The following KLHL13 variants were observed in gnomAD, a reference collection of about 807,000 sequenced individuals.
The protein encoded by KLHL13 is kelch-like protein 13.
KLHL13 carries 10 observed loss-of-function variants against 37.1 expected under a neutral mutation model. The ratio of observed to expected loss-of-function variants is 0.27; its 90% confidence interval spans 0.17 to 0.46. KLHL13 has a LOEUF of 0.46. Among genes scored for constraint, KLHL13 ranks in the 20% least tolerant of loss-of-function variants. KLHL13 has a pLI of 1.00. For missense variants in KLHL13, 360 were observed against 509.3 expected (o/e 0.71, Z 2.82); for synonymous variants, 163 against 181.2 (o/e 0.90, Z 0.81).
chrX:117,948,449 A>C (rs1933428075), intron 1 of KLHL13, among the ~76,000 whole-genome samples: 1 of 112,107 alleles, frequency 8.9e-6, no homozygotes, highest in Admixed American at 9.5e-5. Context: ...TTATAAGAAA[A>C]TTATGCAGCA....
At chrX:117,913,383 GA>G in intron 4 of KLHL13, among the ~76,000 whole-genome samples, 1 of 112,101 alleles carries the variant, frequency 8.9e-6, no homozygotes, top group Non-Finnish European at 1.9e-5. Flanking sequence ...AATACACATT[GA>G]AAATATAAAA....
intron 1 of KLHL13, among the ~76,000 whole-genome samples, chrX:117,997,282 G>A (rs59525123): frequency 0.012 from 1,328 of 109,962 alleles, 20 homozygotes; most frequent in African/African-American, 0.041. Context: ...TAAACAAAAC[G>A]TTTCCCTTTT....
rs747823043 is a variant in KLHL13, at chrX:117,945,543, T to A, written c.131A>T (p.Lys44Ile). Residue 44 changes from lysine to isoleucine, a missense_variant, in exon 2 of 7, where the codon AAA becomes ATA. Physicochemically the swap from Lys to Ile is moderately radical, Grantham distance 102. Coordinates refer to ENST00000262820, the Ensembl canonical transcript of KLHL13. ...CATTTCGCTGCCTCCAAGGGACAAT[T>A]TCATGTGTTGGTCTTCCTCTTCCAC... The A allele has an allele frequency of 9.9e-6, 12 of 1,208,143 alleles. No homozygotes were observed. The Admixed American group carries it at 2.6e-4, about 26-fold the overall frequency.
rs56373597 is a variant in KLHL13, at chrX:117,991,846, ACTCTCTCTCTCTCTCTCTCTCTCT to A, written c.-55-46295_-55-46272del. Among the ~76,000 whole-genome samples, 9 of 63,514 alleles carry A rather than the reference ACTCTCTCTCTCTCTCTCTCTCTCT, an allele frequency of 1.4e-4. No homozygotes were observed. In the East Asian group the frequency reaches 1.5e-3, roughly 11 times the overall value. The allele number at this position is 63,514 out of a possible 115,157, so 55.2% of individuals were successfully genotyped here. Reference sequence around the variant, plus strand: ...TCAAAATATCTTCTCCTACAGTGAAACTCTCTCTCTCTCTCTCTCTCTCTCTCTCTCTCTCTCTCTCTCTCTCTG... The same window carrying A: ...TCAAAATATCTTCTCCTACAGTGAAACTCTCTCTCTCTCTCTCTCTCTCTG... On this transcript the variant is annotated intron_variant, in intron 1 of 6. Transcript: ENST00000371882.
chrX:117,898,913 G>A (rs749268598), exon 7 of KLHL13: 1 of 1,201,270 alleles, frequency 8.3e-7, no homozygotes, highest in Admixed American at 2.2e-5. Flanking sequence ...TGATCTTAAG[G>A]TGCAGAAAGA....
At position 118,113,681 on chromosome X, in the gene KLHL13, C is replaced by T. The variant is rs747200418; in HGVS notation, c.-56+2827G>A. Among the ~76,000 whole-genome samples the T allele has an allele frequency of 5.3e-5, 6 of 112,161 alleles. No homozygotes were observed. In the South Asian group the frequency reaches 1.5e-3, roughly 28 times the overall value. On this transcript the variant is annotated intron_variant, in intron 1 of 6. Coordinates refer to the KLHL13 transcript ENST00000371882. ...TCTCTGAAAGGCCTTTTCTGACTTC[C>T]CACACTAAAGTAGGCCCTTCCTAGC...
intron 1 of KLHL13, among the ~76,000 whole-genome samples, chrX:118,053,709 T>C (rs1363997160): frequency 1.9e-5 from 2 of 107,045 alleles, no homozygotes; most frequent in African/African-American, 6.8e-5. Flanking sequence ...AACAGGCCTT[T>C]CACAGAAGAA....
chrX:117,951,822 T>C (rs1488812662), intron 1 of KLHL13, among the ~76,000 whole-genome samples: 1 of 112,339 alleles, frequency 8.9e-6, no homozygotes, highest in African/African-American at 3.2e-5. Context: ...ATTTAATCCT[T>C]GTAATAACTC....
rs148198249 is a variant in KLHL13, at chrX:118,074,599, T to C, written c.-56+41909A>G. Among the ~76,000 whole-genome samples, 159 of 111,767 alleles carry C rather than the reference T, an allele frequency of 1.4e-3. 1 individual carries two copies. Among genetic ancestry groups the C allele is most frequent in the African/African-American group, 4.0e-3 (122 of 30,809 alleles). On this transcript the variant is annotated intron_variant, in intron 1 of 6. Transcript: ENST00000371882. ...CTGAATTTATGACCATGGCAAACAT[T>C]TTCCACTGGCGATTTTGTAAGAGCT...
chrX:117,916,372 C>T, intron 4 of KLHL13, among the ~76,000 whole-genome samples: 1 of 111,973 alleles, frequency 8.9e-6, no homozygotes, highest in East Asian at 2.8e-4. Flanking sequence ...CCTTCATTGT[C>T]ATCCTTCTGT....
chrX:117,968,390 C>A (rs752008472), intron 1 of KLHL13, among the ~76,000 whole-genome samples: 4 of 111,432 alleles, frequency 3.6e-5, no homozygotes, highest in Non-Finnish European at 7.5e-5. Flanking sequence ...TTTGGACTTT[C>A]TAAATGACTT....
chrX:117,914,428 G>A (rs1475900097), intron 4 of KLHL13: 1 of 110,914 alleles, frequency 9.0e-6, no homozygotes, highest in Non-Finnish European at 1.9e-5. Context: ...GCCATTCAAT[G>A]CGCCAAATTC....
intron 1 of KLHL13, among the ~76,000 whole-genome samples, chrX:118,099,915 GAAGA>G (rs1556005224): frequency 2.1e-5 from 2 of 95,685 alleles, no homozygotes; most frequent in African/African-American, 1.0e-4. Context: ...AAGAAGGAAG[GAAGA>G]AAGGAAGGAA....
chrX:117,954,857 G>T, intron 1 of KLHL13, among the ~76,000 whole-genome samples: 1 of 112,126 alleles, frequency 8.9e-6, no homozygotes, highest in Non-Finnish European at 1.9e-5. Context: ...GCAGCAGTGA[G>T]CTTGCCTTCT....
chrX:118,047,235 A>AAT (rs1251089745), intron 1 of KLHL13, among the ~76,000 whole-genome samples: 1 of 111,878 alleles, frequency 8.9e-6, no homozygotes, highest in Non-Finnish European at 1.9e-5. Flanking sequence ...ATGAAGCTGA[A>AAT]AGAGTACCAA....
chrX:118,112,841 T>A (rs1025301953), intron 1 of KLHL13, among the ~76,000 whole-genome samples: 6 of 111,762 alleles, frequency 5.4e-5, no homozygotes, highest in African/African-American at 2.0e-4. Context: ...GGAAACACAG[T>A]AACCCTAATC....
At chrX:118,103,194 C>T (rs1195893243) in intron 1 of KLHL13, among the ~76,000 whole-genome samples, 9 of 111,676 alleles carry the variant, frequency 8.1e-5, no homozygotes, top group African/African-American at 2.9e-4. Context: ...AACTGTTGAG[C>T]TTAGTGATAA....
At chrX:118,003,783 A>C (rs1022877029) in intron 1 of KLHL13, among the ~76,000 whole-genome samples, 1 of 110,545 alleles carries the variant, frequency 9.0e-6, no homozygotes, top group Non-Finnish European at 1.9e-5. Flanking sequence ...AGGTGGCAAC[A>C]ACTCGTCAAA....
At chrX:118,031,659 A>C (rs1463279102) in intron 1 of KLHL13, among the ~76,000 whole-genome samples, 1 of 100,679 alleles carries the variant, frequency 9.9e-6, no homozygotes, top group Non-Finnish European at 2.0e-5. Context: ...ATATTTAGTT[A>C]TATATAATAT....
Sources: gnomAD v4.1 joint callset for allele counts (sites outside exome capture counted in the v4.1 genomes callset) on GRCh38, gnomAD v4.1.1 for gene constraint, MANE v1.5 for transcripts, NCBI Gene and HGNC (gene_info 2026-07-23, HGNC 2026-07-21) for gene names.